ZFPM2: variants seen among roughly 807,000 people sequenced by gnomAD.
The protein encoded by ZFPM2 is zinc finger protein ZFPM2.
In ZFPM2, 20 loss-of-function variants were observed where a neutral mutation model predicts 98.6. That is an observed-to-expected ratio of 0.20 (90% CI 0.14 to 0.29). The LOEUF is 0.29. Among genes scored for constraint, ZFPM2 ranks in the 10% least tolerant of loss-of-function variants. The pLI is 1.00. For missense variants in ZFPM2, 1,310 were observed against 1,388.6 expected (o/e 0.94, Z 0.90); for synonymous variants, 518 against 502.7 (o/e 1.03, Z -0.41).
chr8:105,522,750 C>CA (rs34364728), intron 3 of ZFPM2, among the ~76,000 whole-genome samples: 54,945 of 145,814 alleles, frequency 0.38, 9,970 homozygotes, highest in East Asian at 0.46. Flanking sequence ...CTCCATCTTT[C>CA]AAAAAAAAAA....
At chr8:105,320,883 T>C (rs1291225571) in intron 1 of ZFPM2, among the ~76,000 whole-genome samples, 1 of 152,216 alleles carries the variant, frequency 6.6e-6, no homozygotes, top group Non-Finnish European at 1.5e-5. Flanking sequence ...TGCTTGAAAG[T>C]TATTTCATTT....
At chr8:105,345,961 T>A (rs1473487301) in intron 1 of ZFPM2, among the ~76,000 whole-genome samples, 1 of 152,224 alleles carries the variant, frequency 6.6e-6, no homozygotes, top group Non-Finnish European at 1.5e-5. Flanking sequence ...TTTTTTTCAA[T>A]AAATGTTTGC....
At chr8:105,464,508 A>T (rs1812760517) in intron 3 of ZFPM2, among the ~76,000 whole-genome samples, 1 of 151,932 alleles carries the variant, frequency 6.6e-6, no homozygotes, top group Non-Finnish European at 1.5e-5. Context: ...TTAGAGGGGA[A>T]AAAAGAGAGA....
At chr8:105,714,635 T>G (rs1389840139) in intron 5 of ZFPM2, among the ~76,000 whole-genome samples, 4 of 152,078 alleles carry the variant, frequency 2.6e-5, no homozygotes, top group African/African-American at 7.2e-5. Context: ...TTATAACTAT[T>G]TTATCTGTAT....
intron 1 of ZFPM2, among the ~76,000 whole-genome samples, chr8:105,353,392 A>G (rs1007662386): frequency 2.0e-5 from 3 of 152,124 alleles, no homozygotes; most frequent in African/African-American, 7.2e-5. Flanking sequence ...ATTTTTTTCA[A>G]AGCACTTACC....
chr8:105,660,532 A>G (rs1318169157), intron 5 of ZFPM2, among the ~76,000 whole-genome samples: 1 of 152,250 alleles, frequency 6.6e-6, no homozygotes, highest in Non-Finnish European at 1.5e-5. Context: ...GCCTTTGACA[A>G]CAAGCATAGT....
At chr8:105,533,350 C>T (rs1814337552) in intron 3 of ZFPM2, among the ~76,000 whole-genome samples, 1 of 151,966 alleles carries the variant, frequency 6.6e-6, no homozygotes, top group African/African-American at 2.4e-5. Context: ...GGTCAAGCTC[C>T]ATTTCAAAAT....
Position 105,669,535 on chromosome 8 carries a change from CAT to C in ZFPM2, c.532+35179_532+35180del, listed in dbSNP as rs1491317856. Among the ~76,000 whole-genome samples the C allele has an allele frequency of 3.0e-3, 399 of 130,886 alleles. 2 individuals are homozygous for C. The highest frequency in any genetic ancestry group is 8.1e-3 in the African/African-American group (293 of 36,168). The allele number at this position is 130,886 out of a possible 152,430, so 85.9% of individuals were successfully genotyped here. A position where few individuals can be genotyped will look rare whatever the true frequency, so the allele number is the denominator to read the frequency against. On this transcript the variant is annotated intron_variant, in intron 5 of 7. Coordinates refer to ENST00000407775, the MANE Select transcript of ZFPM2 (RefSeq NM_012082.4). ...GTCTCTATTTTAAGCTGAAAGTGTGCATGTGTGTGTGTGTGTGTGTGTGTGTG... is the reference window on the plus strand; with the variant it reads ...GTCTCTATTTTAAGCTGAAAGTGTGCGTGTGTGTGTGTGTGTGTGTGTGTG...
chr8:105,548,112 A>G (rs1586454255), intron 3 of ZFPM2, among the ~76,000 whole-genome samples: 1 of 152,062 alleles, frequency 6.6e-6, no homozygotes, highest in Non-Finnish European at 1.5e-5. Flanking sequence ...GTGCTCATTC[A>G]GAACTTCACC....
intron 1 of ZFPM2, chr8:105,387,896 A>G (rs1042620689): frequency 3.9e-5 from 6 of 152,262 alleles, no homozygotes; most frequent in South Asian, 2.1e-4. Flanking sequence ...AGAAAAAAAG[A>G]CAACCTGTAT....
intron 4 of ZFPM2, among the ~76,000 whole-genome samples, chr8:105,610,008 G>A (rs909196552): frequency 1.3e-5 from 2 of 152,098 alleles, no homozygotes; most frequent in African/African-American, 4.8e-5. Flanking sequence ...CAGCCCTCTT[G>A]TCCTCAGATA....
chr8:105,345,174 AT>A (rs201743613), intron 1 of ZFPM2, among the ~76,000 whole-genome samples: 1,692 of 152,248 alleles, frequency 0.011, 15 homozygotes, highest in African/African-American at 0.032. Flanking sequence ...TTGGTATCAA[AT>A]CCGGTGAAGC....
chr8:105,695,204 C>T lies in ZFPM2; in HGVS notation c.532+60847C>T, dbSNP rs139739887. ...ATAAAGATTCCTGTTAATCCTTCCA[C>T]GTACAATTCCCTGTAATATATTAGA... On this transcript the variant is annotated intron_variant, in intron 5 of 7. Transcript: ENST00000407775. Among the ~76,000 whole-genome samples the T allele has an allele frequency of 2.3e-3, 347 of 152,164 alleles. 2 individuals carry two copies. The highest frequency in any genetic ancestry group is 7.1e-3 in the African/African-American group (293 of 41,546).
intron 3 of ZFPM2, among the ~76,000 whole-genome samples, chr8:105,463,953 C>G (rs1812749369): frequency 6.6e-6 from 1 of 152,012 alleles, no homozygotes; most frequent in Admixed American, 6.6e-5. Flanking sequence ...ATGCACATGC[C>G]AGAATTAGGA....
chr8:105,706,591 T>A (rs1811269021), intron 5 of ZFPM2, among the ~76,000 whole-genome samples: 1 of 151,778 alleles, frequency 6.6e-6, no homozygotes, highest in Admixed American at 6.6e-5. Context: ...TGTTTTTGGG[T>A]TTTTTTTGGA....
intron 1 of ZFPM2, among the ~76,000 whole-genome samples, chr8:105,362,330 CA>C (rs1190094751): frequency 2.6e-5 from 4 of 151,786 alleles, no homozygotes; most frequent in Non-Finnish European, 4.4e-5. Context: ...TATACTGGAT[CA>C]GGGTAACTGA....
chr8:105,675,371 A>T (rs1376341102), intron 5 of ZFPM2, among the ~76,000 whole-genome samples: 1 of 152,206 alleles, frequency 6.6e-6, no homozygotes, highest in Non-Finnish European at 1.5e-5. Flanking sequence ...ATGTGGGGAA[A>T]GGGAAAGTTA....
At chr8:105,763,056 C>CT (rs11453125) in intron 5 of ZFPM2, among the ~76,000 whole-genome samples, 19,806 of 141,606 alleles carry the variant, frequency 0.14, 2,070 homozygotes, top group African/African-American at 0.3. Flanking sequence ...GACTTTATTT[C>CT]TTTCTTTTTT....
chr8:105,448,054 T>A (rs1376007963), intron 3 of ZFPM2, among the ~76,000 whole-genome samples: 1 of 152,100 alleles, frequency 6.6e-6, no homozygotes, highest in Non-Finnish European at 1.5e-5. Flanking sequence ...TGATTCCTGT[T>A]TAAGTATACT....
Sources: gnomAD v4.1 joint callset for allele counts (sites outside exome capture counted in the v4.1 genomes callset) on GRCh38, gnomAD v4.1.1 for gene constraint, MANE v1.5 for transcripts, NCBI Gene and HGNC (gene_info 2026-07-23, HGNC 2026-07-21) for gene names.